CCDC88A: variants seen among roughly 807,000 people sequenced by gnomAD.
CCDC88A encodes the protein coiled-coil and HOOK domain protein 88A.
Under a neutral mutation model 234.3 loss-of-function variants are expected in CCDC88A, and 54 were observed. The ratio of observed to expected loss-of-function variants is 0.23; its 90% CI spans 0.19 to 0.29. The LOEUF is 0.29. Ranked by LOEUF, CCDC88A falls within the 10% of genes least tolerant of loss-of-function variation. The pLI, the probability that CCDC88A is intolerant of heterozygous loss-of-function variation, is 1.00. For missense variants in CCDC88A, 1,832 were observed against 2,123.4 expected (o/e 0.86, Z 2.70); for synonymous variants, 753 against 737.8 (o/e 1.02, Z -0.33).
intron 2 of CCDC88A, chr2:55,418,215 G>T (rs1681795944): frequency 6.6e-6 from 1 of 152,190 alleles, no homozygotes; most frequent in African/African-American, 2.4e-5. Flanking sequence ...AAACCTGTAA[G>T]AATACCTTAA....
At position 55,317,445 on chromosome 2, in the gene CCDC88A, A is replaced by C. The variant is rs897561205; in HGVS notation, c.3603-96T>G. The C allele has an allele frequency of 4.4e-6, 5 of 1,148,756 alleles. No individual in the cohort carries two copies. In the African/African-American group the frequency reaches 7.9e-5, roughly 18 times the overall value. 71.2% of individuals were successfully genotyped at this position (1,148,756 alleles called of 1,614,324 possible). A position where few individuals can be genotyped will look rare whatever the true frequency, so the allele number is the denominator to read the frequency against. On this transcript the variant is annotated intron_variant, in intron 20 of 32. Transcript: ENST00000436346. This position sits in a 1 kb window ranked among gnomAD's most constrained non-coding sequence, Gnocchi z 4.2. Reference sequence around the variant, plus strand: ...AATGAGTATCATTTAAAACACATGTAAATTTATATAAATTTCTTATGTAAA... The same window carrying C: ...AATGAGTATCATTTAAAACACATGTCAATTTATATAAATTTCTTATGTAAA...
At position 55,335,247 on chromosome 2, in the gene CCDC88A, A is replaced by G; in HGVS notation, c.1657-83T>C. 1 of 863,026 alleles carries G rather than the reference A, an allele frequency of 1.2e-6. No individual in the cohort carries two copies. Among genetic ancestry groups the G allele is most frequent in the African/African-American group, 1.7e-5 (1 of 58,386 alleles). 53.5% of individuals were successfully genotyped at this position (863,026 alleles called of 1,614,324 possible). Reference sequence around the variant, plus strand: ...ATCTCTTCCAAAAACTACCAAGAAAAGGGGAACAAAAAAAGGGTGCTAGAA... The same window carrying G: ...ATCTCTTCCAAAAACTACCAAGAAAGGGGGAACAAAAAAAGGGTGCTAGAA... On this transcript the variant is annotated intron_variant, in intron 14 of 32. Coordinates refer to ENST00000436346, the MANE Select transcript of CCDC88A (RefSeq NM_001365480.1). The surrounding 1 kb of genome is among the most constrained non-coding windows in gnomAD (Gnocchi z 4.5).
chr2:55,319,799 T>TA (rs1410484088), intron 18 of CCDC88A, among the ~76,000 whole-genome samples: 8 of 152,102 alleles, frequency 5.3e-5, no homozygotes, highest in African/African-American at 1.9e-4. Context: ...TTAAACTTCA[T>TA]AAAAAATCAA....
intron 25 of CCDC88A, among the ~76,000 whole-genome samples, chr2:55,304,235 C>T (rs1681255375): frequency 6.6e-6 from 1 of 152,146 alleles, no homozygotes. Context: ...GAGTTCAAGG[C>T]TATAGTGAGC....
chr2:55,399,831 TAAGAA>T (rs1254643243), intron 2 of CCDC88A: 2 of 120,510 alleles, frequency 1.7e-5, no homozygotes, highest in African/African-American at 2.8e-5. Flanking sequence ...GCATAAACCA[TAAGAA>T]AAGAAAACAG....
At chr2:55,372,406 T>C (rs973096017) in intron 5 of CCDC88A, 46 bp downstream of exon 5, 1 of 923,852 alleles carries the variant, frequency 1.1e-6, no homozygotes, top group South Asian at 1.6e-5. Flanking sequence ...TAAAAATATA[T>C]AAAGAGGTTG....
chr2:55,305,810 A>AT (rs796699414), intron 25 of CCDC88A, among the ~76,000 whole-genome samples: 3 of 152,234 alleles, frequency 2.0e-5, no homozygotes, highest in African/African-American at 7.2e-5. Flanking sequence ...GCGGTGAGCT[A>AT]TCATTACACC....
intron 2 of CCDC88A, among the ~76,000 whole-genome samples, chr2:55,406,612 A>T (rs542102797): frequency 6.6e-6 from 1 of 152,206 alleles, no homozygotes; most frequent in East Asian, 1.9e-4. Context: ...AAAAATATTT[A>T]GCCGGGTGTG....
intron 5 of CCDC88A, among the ~76,000 whole-genome samples, chr2:55,366,544 C>CAT (rs1671989829): frequency 2.5e-5 from 2 of 81,620 alleles, no homozygotes; most frequent in East Asian, 1.7e-3. Flanking sequence ...TACACACACA[C>CAT]ACACACACAC....
intron 23 of CCDC88A, among the ~76,000 whole-genome samples, chr2:55,310,580 A>G (rs917007366): frequency 6.8e-6 from 1 of 146,676 alleles, no homozygotes; most frequent in African/African-American, 2.5e-5. Flanking sequence ...GACTGAAAAG[A>G]AAAAAAAAAA....
At chr2:55,411,061 C>T (rs1342372104) in intron 2 of CCDC88A, among the ~76,000 whole-genome samples, 2 of 151,996 alleles carry the variant, frequency 1.3e-5, no homozygotes, top group African/African-American at 2.4e-5. Flanking sequence ...TGTTTTTGCC[C>T]TCCCACCACT....
chr2:55,334,112 C>A lies in CCDC88A; in HGVS notation c.2709G>T (p.Thr903=). Residue 903 remains threonine, a synonymous_variant, in exon 15 of 33, where the codon ACG becomes ACT. Coordinates refer to ENST00000436346, the MANE Select transcript of CCDC88A (RefSeq NM_001365480.1). This position sits in a 1 kb window ranked among gnomAD's most constrained non-coding sequence, Gnocchi z 6.1. ...TATTTACCTCACGTAGTGTAACCAA[C>A]GTTTTTATATCAATAGTTGCTCTTT... The part of the protein sequence containing the change: ...LVKRATIDIK[T]LVTLREDLVS... 1 of 1,309,590 alleles carries A rather than the reference C, an allele frequency of 7.6e-7. No homozygotes were observed. The highest frequency in any genetic ancestry group is 9.8e-7 in the Non-Finnish European group (1 of 1,017,470). The allele number at this position is 1,309,590 out of a possible 1,614,324, so 81.1% of individuals were successfully genotyped here.
chr2:55,404,056 C>T (rs1373206103), intron 2 of CCDC88A: 1 of 152,202 alleles, frequency 6.6e-6, no homozygotes, highest in Non-Finnish European at 1.5e-5. Flanking sequence ...CTATGGCTTT[C>T]ACTCCCATAC....
intron 31 of CCDC88A, chr2:55,294,685 T>C: frequency 4.0e-6 from 4 of 991,400 alleles, no homozygotes; most frequent in Non-Finnish European, 4.8e-6. Flanking sequence ...GAACATTTTT[T>C]TCCAGAAGCA....
chr2:55,407,141 G>C (rs1243653168), intron 2 of CCDC88A, among the ~76,000 whole-genome samples: 1 of 151,134 alleles, frequency 6.6e-6, no homozygotes, highest in Non-Finnish European at 1.5e-5. Flanking sequence ...CTGAGACTGG[G>C]AGGTCAAGGA....
At chr2:55,418,439 T>C (rs936964761) in intron 2 of CCDC88A, 9 of 197,918 alleles carry the variant, frequency 4.5e-5, no homozygotes, top group Admixed American at 1.6e-4. Flanking sequence ...AAGAAACATT[T>C]CTGCATCAAA....
At chr2:55,361,705 C>T (rs534208207) in intron 7 of CCDC88A, among the ~76,000 whole-genome samples, 29 of 152,196 alleles carry the variant, frequency 1.9e-4, no homozygotes, top group Non-Finnish European at 3.8e-4. Flanking sequence ...ACCACACGCA[C>T]TAAAGTCTAG....
Position 55,290,541 on chromosome 2 carries a change from A to G in CCDC88A, c.*659T>C, listed in dbSNP as rs188767121. On this transcript the variant is annotated 3_prime_UTR_variant, in exon 33 of 33. Coordinates refer to ENST00000436346, the MANE Select transcript of CCDC88A (RefSeq NM_001365480.1). ...ATATGGAAAGATTAATATCACTATAAATTTTTTATAACTCCTATTTCATTA... is the reference window on the plus strand; with the variant it reads ...ATATGGAAAGATTAATATCACTATAGATTTTTTATAACTCCTATTTCATTA... The G allele has an allele frequency of 1.0e-3, 159 of 152,186 alleles. No homozygotes were observed. The highest frequency in any genetic ancestry group is 3.6e-3 in the African/African-American group (151 of 41,564). 9.4% of individuals were successfully genotyped at this position (152,186 alleles called of 1,614,324 possible).
intron 7 of CCDC88A, 81 bp downstream of exon 7, chr2:55,362,227 C>A (rs545682286): frequency 1.9e-6 from 2 of 1,076,108 alleles, no homozygotes; most frequent in Non-Finnish European, 2.6e-6. Context: ...GAAATAGTAT[C>A]GTTTCTGAAA....
Sources: allele counts gnomAD v4.1 joint callset (sites outside exome capture counted in the v4.1 genomes callset), GRCh38; gene constraint gnomAD v4.1.1; non-coding constraint Gnocchi (gnomAD v3.1); transcripts MANE v1.5; gene names NCBI Gene and HGNC (gene_info 2026-07-23, HGNC 2026-07-21).